The following NEDD1 variants were observed in gnomAD, a reference collection of about 807,000 sequenced individuals.
NEDD1 encodes protein NEDD1.
A neutral mutation model predicts 74.0 loss-of-function variants in NEDD1; 33 were observed. The ratio of observed to expected loss-of-function variants is 0.45; its 90% confidence interval spans 0.34 to 0.60. NEDD1 has a LOEUF of 0.60. NEDD1 is among the 20% of genes least tolerant of loss of function. NEDD1 has a pLI of 0.01. For missense variants in NEDD1, 746 were observed against 776.5 expected, an observed-to-expected ratio of 0.96 and a Z score of 0.47; for synonymous variants, 250 against 264.4, an observed-to-expected ratio of 0.95 and a Z score of 0.53.
chr12:96,926,348 G>A (rs1875688945), intron 6 of NEDD1, among the ~76,000 whole-genome samples: 1 of 152,020 alleles, frequency 6.6e-6, no homozygotes, highest in South Asian at 2.1e-4. Flanking sequence ...GGAACAAATG[G>A]TTATATTTGT....
chr12:96,942,058 C>T (rs2136605937), intron 10 of NEDD1, among the ~76,000 whole-genome samples: 1 of 152,186 alleles, frequency 6.6e-6, no homozygotes, highest in Non-Finnish European at 1.5e-5. Flanking sequence ...ATGAATATTA[C>T]AGGATTAAAA....
rs144422652 is a variant in NEDD1, at chr12:96,913,404, C to G, written c.231+587C>G. Reference sequence around the variant, plus strand: ...TTTTTTTTCTTTTGAGATGGAGTCTCGCTCTGTTGCCCAGGCTGGAGTGCA... The same window carrying G: ...TTTTTTTTCTTTTGAGATGGAGTCTGGCTCTGTTGCCCAGGCTGGAGTGCA... On this transcript the variant is annotated intron_variant, in intron 4 of 15. Coordinates refer to ENST00000266742, the MANE Select transcript of NEDD1 (RefSeq NM_152905.4). Among the ~76,000 whole-genome samples, 803 of 151,590 alleles carry G rather than the reference C, an allele frequency of 5.3e-3. 3 individuals carry two copies. The highest frequency in any genetic ancestry group is 0.017 in the Middle Eastern group (5 of 294).
chr12:96,918,657 T>C (rs1190484400), intron 5 of NEDD1, among the ~76,000 whole-genome samples: 2 of 152,242 alleles, frequency 1.3e-5, no homozygotes, highest in Non-Finnish European at 2.9e-5. Context: ...TCTAATCTTT[T>C]ACCTTTGGAT....
chr12:96,922,187 T>C (rs1463575380), intron 6 of NEDD1, among the ~76,000 whole-genome samples: 1 of 152,220 alleles, frequency 6.6e-6, no homozygotes, highest in Non-Finnish European at 1.5e-5. Flanking sequence ...TTCTGCATTT[T>C]ATGGATGAAG....
intron 3 of NEDD1, among the ~76,000 whole-genome samples, chr12:96,910,150 A>C (rs555349728): frequency 6.6e-6 from 1 of 152,368 alleles, no homozygotes; most frequent in South Asian, 2.1e-4. Context: ...CTATTAAAAA[A>C]AGTATATTCT....
chr12:96,950,632 T>C (rs965700288), intron 14 of NEDD1, among the ~76,000 whole-genome samples: 2 of 151,926 alleles, frequency 1.3e-5, no homozygotes, highest in African/African-American at 4.8e-5. Context: ...ACATGCACAA[T>C]GAAAACATTG....
chr12:96,928,488 G>C (rs1274810050), intron 6 of NEDD1, among the ~76,000 whole-genome samples: 1 of 151,982 alleles, frequency 6.6e-6, no homozygotes, highest in East Asian at 1.9e-4. Context: ...AGGAGCTTAA[G>C]TGTTACCCTA....
At position 96,937,320 on chromosome 12, in the gene NEDD1, C is replaced by T. The variant is rs1877222483; in HGVS notation, c.1044C>T (p.Ser348=). The change falls in exon 9 of 16, where the codon TCC becomes TCT. Residue 348 remains serine, a synonymous_variant. Transcript: ENST00000266742. Reference sequence around the variant, plus strand: ...TTGTCAGAGAAGCACCTGCCACGTCCATTGCCACAGTTCTACCACAACCTA... The same window carrying T: ...TTGTCAGAGAAGCACCTGCCACGTCTATTGCCACAGTTCTACCACAACCTA... ...SGIVREAPAT[S]IATVLPQPMT... is the part of the protein sequence containing the mutation. 21 of 1,612,256 alleles carry T rather than the reference C, an allele frequency of 1.3e-5. No homozygotes were observed. The highest frequency in any genetic ancestry group is 1.8e-5 in the Non-Finnish European group (21 of 1,178,870).
At position 96,929,341 on chromosome 12, in the gene NEDD1, T is replaced by C. The variant is rs112018832; in HGVS notation, c.490-5635T>C. On this transcript the variant is annotated intron_variant, in intron 6 of 15. Coordinates refer to ENST00000266742, the MANE Select transcript of NEDD1 (RefSeq NM_152905.4). ...CTGAGTTTTAAATTTATGTTTTTTT[T>C]CTTAATGTCTTGTATTTTTTTTTTC... 8.8e-3 allele frequency among the ~76,000 whole-genome samples: 1,269 copies of C among 144,108 alleles called. 23 individuals carry two copies. Among genetic ancestry groups the C allele is most frequent in the African/African-American group, 0.031 (1,192 of 38,940 alleles). The allele number at this position is 144,108 out of a possible 152,430, so 94.5% of individuals were successfully genotyped here. A position where few individuals can be genotyped will look rare whatever the true frequency, so the allele number is the denominator to read the frequency against.
rs539477563 is a variant in NEDD1 at position 96,940,118 on chromosome 12, C to G, written c.1118-291C>G. ...ATAAATTATTTTAGAAAAATTCCAA[C>G]AAAATGGCTAAAATAAGGTATTACT... is the stretch of plus-strand genomic sequence containing the variant. On this transcript the variant is annotated intron_variant, in intron 9 of 15. Coordinates refer to ENST00000266742, the MANE Select transcript of NEDD1 (RefSeq NM_152905.4). Among the ~76,000 whole-genome samples, 3 of 152,070 alleles carry G rather than the reference C, an allele frequency of 2.0e-5. No homozygotes were observed. The South Asian group carries it at 6.2e-4, about 32-fold the overall frequency.
chr12:96,930,844 G>GT (rs1876385508), intron 6 of NEDD1, among the ~76,000 whole-genome samples: 1 of 152,078 alleles, frequency 6.6e-6, no homozygotes, highest in African/African-American at 2.4e-5. Context: ...GCACACACAC[G>GT]TACACATGCA....
rs544049565 is a variant in NEDD1 at position 96,930,112 on chromosome 12, G to A, written c.490-4864G>A. On this transcript the variant is annotated intron_variant, in intron 6 of 15. Coordinates refer to ENST00000266742, the MANE Select transcript of NEDD1 (RefSeq NM_152905.4). ...ATCTAGTTTGTTGTAAATGTTGTCC[G>A]TGGGATTTTAGTTTTTGGTCATCTA... Among the ~76,000 whole-genome samples the A allele has an allele frequency of 6.1e-5, 9 of 148,404 alleles. No individual in the cohort carries two copies. The South Asian group carries it at 1.7e-3, about 28-fold the overall frequency.
chr12:96,920,180 CT>C, intron 6 of NEDD1, 55 bp downstream of exon 6: 1 of 1,121,224 alleles, frequency 8.9e-7, no homozygotes, highest in Non-Finnish European at 1.2e-6. Context: ...TGAATTGTAT[CT>C]TACATAAGAC....
chr12:96,921,717 G>A (rs554273047), intron 6 of NEDD1, among the ~76,000 whole-genome samples: 1 of 151,344 alleles, frequency 6.6e-6, no homozygotes, highest in South Asian at 2.1e-4. Flanking sequence ...TGGAGTGCAG[G>A]GGAATGATCA....
intron 12 of NEDD1, 83 bp from the exon 13 acceptor site, chr12:96,944,556 A>G: frequency 1.3e-6 from 1 of 742,466 alleles, no homozygotes; most frequent in East Asian, 3.0e-5. Flanking sequence ...ACTGGGACAA[A>G]AGAGAGAAGT....
chr12:96,919,592 A>G (rs1415552326), intron 5 of NEDD1, among the ~76,000 whole-genome samples: 1 of 152,118 alleles, frequency 6.6e-6, no homozygotes, highest in African/African-American at 2.4e-5. Flanking sequence ...TGTCTTCCAT[A>G]AAGTTTCCTC....
At chr12:96,918,260 A>T (rs1436448403) in intron 5 of NEDD1, among the ~76,000 whole-genome samples, 1 of 151,966 alleles carries the variant, frequency 6.6e-6, no homozygotes, top group Non-Finnish European at 1.5e-5. Context: ...TTTAATAATT[A>T]GCTTTTTGTA....
chr12:96,945,901 T>A lies in NEDD1; in HGVS notation c.1811+52T>A, dbSNP rs750232919. 6 of 1,163,338 alleles carry A rather than the reference T, an allele frequency of 5.2e-6. No homozygotes were observed. In the South Asian group the frequency reaches 8.4e-5, roughly 16 times the overall value. The allele number at this position is 1,163,338 out of a possible 1,614,324, so 72.1% of individuals were successfully genotyped here. On this transcript the variant is annotated intron_variant, in intron 14 of 15. Coordinates refer to ENST00000266742, the MANE Select transcript of NEDD1 (RefSeq NM_152905.4). ...ATCTAGACCTTACTTGTTTTTTTTT[T>A]AGATGTAAAACCAGAACTATAGATA...
At chr12:96,932,140 A>C (rs899743448) in intron 6 of NEDD1, among the ~76,000 whole-genome samples, 2 of 151,708 alleles carry the variant, frequency 1.3e-5, no homozygotes, top group African/African-American at 4.8e-5. Context: ...ACATTCTTAC[A>C]CAATAATGTG....
Sources: allele counts gnomAD v4.1 joint callset (sites outside exome capture counted in the v4.1 genomes callset), GRCh38; gene constraint gnomAD v4.1.1; transcripts MANE v1.5; gene names NCBI Gene and HGNC (gene_info 2026-07-23, HGNC 2026-07-21).